The following JOSD1 variants were observed in gnomAD, a reference collection of about 807,000 sequenced individuals.
JOSD1 encodes the protein josephin-1.
A neutral mutation model predicts 24.3 loss-of-function variants in JOSD1; 11 were observed. That is an observed-to-expected ratio of 0.45 (90% CI 0.29 to 0.75). The LOEUF is 0.75. Ranked by LOEUF, JOSD1 falls within the 30% of genes least tolerant of loss-of-function variation. The pLI, the probability that JOSD1 is intolerant of heterozygous loss-of-function variation, is 0.11. For synonymous variants in JOSD1, 106 were observed against 93.8 expected (o/e 1.13, Z -0.75); for missense variants, 184 against 253.5 (o/e 0.73, Z 1.86).
chr22:38,696,061 G>T (rs375613077), intron 2 of JOSD1, among the ~76,000 whole-genome samples: 4 of 152,012 alleles, frequency 2.6e-5, no homozygotes, highest in Admixed American at 6.6e-5. Flanking sequence ...CGTCTCGGGT[G>T]GGGGGAAAAA....
intron 2 of JOSD1, 142 bp downstream of exon 2, chr22:38,699,661 T>C (rs2092559332): frequency 1.3e-6 from 1 of 763,326 alleles, no homozygotes; most frequent in African/African-American, 1.7e-5. Context: ...TGATTATCTT[T>C]TCATGTCTTG....
Position 38,699,961 on chromosome 22 carries a change from G to C in JOSD1, c.27C>G (p.Asp9Glu). MSCVPWKG[D>E]KAKSESLELP... is the part of the protein sequence containing the mutation. ...GCTCCAATGATTCAGATTTGGCCTTGTCTCCTTTCCATGGCACACAACTCA... is the reference window on the plus strand; with the variant it reads ...GCTCCAATGATTCAGATTTGGCCTTCTCTCCTTTCCATGGCACACAACTCA... Residue 9 changes from aspartate to glutamate, a missense_variant, in exon 2 of 5, where the codon GAC becomes GAG. Transcript: ENST00000683374. The C allele has an allele frequency of 6.2e-7, 1 of 1,611,036 alleles. No individual in the cohort carries two copies. The highest frequency in any genetic ancestry group is 8.5e-7 in the Non-Finnish European group (1 of 1,178,302).
At chr22:38,701,024 C>T (rs1372229186), upstream of JOSD1, 2 of 964,106 alleles carry the variant, frequency 2.1e-6, no homozygotes, top group South Asian at 4.8e-5. Flanking sequence ...CCTCCCGCGC[C>T]GTCCTCACTC....
chr22:38,688,853 C>T, intron 4 of JOSD1, 82 bp downstream of exon 4: 1 of 1,280,202 alleles, frequency 7.8e-7, no homozygotes, highest in South Asian at 1.4e-5. Context: ...TTTCCTTTGT[C>T]AAATAACCAG....
Position 38,687,841 on chromosome 22 carries a change from G to C in JOSD1, c.*61C>G. The C allele has an allele frequency of 8.6e-7, 1 of 1,165,982 alleles. No individual in the cohort carries two copies. Among genetic ancestry groups the C allele is most frequent in the Non-Finnish European group, 1.3e-6 (1 of 774,060 alleles). The allele number at this position is 1,165,982 out of a possible 1,614,324, so 72.2% of individuals were successfully genotyped here. A position where few individuals can be genotyped will look rare whatever the true frequency, so the allele number is the denominator to read the frequency against. On this transcript the variant is annotated 3_prime_UTR_variant, in exon 5 of 5. Coordinates refer to ENST00000683374, the MANE Select transcript of JOSD1 (RefSeq NM_001360236.2). Reference sequence around the variant, plus strand: ...GTGGCAAGGGCAGACCCACTGTAGAGGCCACAGCACGTCACAGAGGACTGA... The same window carrying C: ...GTGGCAAGGGCAGACCCACTGTAGACGCCACAGCACGTCACAGAGGACTGA...
At chr22:38,701,110 T>C (rs1006372499), upstream of JOSD1, 1 of 418,998 alleles carries the variant, frequency 2.4e-6, no homozygotes, top group Non-Finnish European at 3.2e-6. Flanking sequence ...ACGCCGGGCG[T>C]GTAGGGGCGC....
At position 38,700,906 on chromosome 22, in the gene JOSD1, C is replaced by A. The variant is rs1054848216; in HGVS notation, c.-738G>T. The A allele has an allele frequency of 3.0e-6, 3 of 984,396 alleles. No homozygotes were observed. Among genetic ancestry groups the A allele is most frequent in the South Asian group, 4.7e-5 (1 of 21,292 alleles). The allele number at this position is 984,396 out of a possible 1,614,324, so 61.0% of individuals were successfully genotyped here. ...CTCGCCGCTGGCGGTCCCCTCACCGCAGCCGGCCGCCACCTGGAGTGCGCG... is the reference window on the plus strand; with the variant it reads ...CTCGCCGCTGGCGGTCCCCTCACCGAAGCCGGCCGCCACCTGGAGTGCGCG... On this transcript the variant is annotated 5_prime_UTR_variant, in exon 1 of 5. Coordinates refer to ENST00000683374, the MANE Select transcript of JOSD1 (RefSeq NM_001360236.2).
In JOSD1 at chr22:38,687,564, G is replaced by GT. The variant is rs2092503387; in HGVS notation, c.*337dup. 2.2e-5 allele frequency: 6 copies of GT among 271,638 alleles called. No homozygotes were observed. In the Admixed American group the frequency reaches 3.0e-4, roughly 14 times the overall value. 16.8% of individuals were successfully genotyped at this position (271,638 alleles called of 1,614,324 possible). A position where few individuals can be genotyped will look rare whatever the true frequency, so the allele number is the denominator to read the frequency against. On this transcript the variant is annotated 3_prime_UTR_variant, in exon 5 of 5. Transcript: ENST00000683374. The stretch of plus-strand genomic sequence containing the variant: ...ATCTCTAGGTGAGTCTGGAGCAGCA[G>GT]TGACAACTCAGCAGAACCTGTGTCA...
intron 2 of JOSD1, among the ~76,000 whole-genome samples, chr22:38,696,972 T>G (rs945649148): frequency 2.0e-5 from 3 of 152,256 alleles, no homozygotes; most frequent in Admixed American, 1.3e-4. Context: ...TTAAACAGCA[T>G]AGAATTATAT....
chr22:38,688,291 T>G (rs1330808800), intron 4 of JOSD1, among the ~76,000 whole-genome samples: 2 of 152,208 alleles, frequency 1.3e-5, no homozygotes, highest in Non-Finnish European at 2.9e-5. Context: ...AGACGGAGTT[T>G]CGCTCTTGTC....
chr22:38,697,413 C>G (rs756866221), intron 2 of JOSD1, among the ~76,000 whole-genome samples: 1 of 152,224 alleles, frequency 6.6e-6, no homozygotes, highest in Non-Finnish European at 1.5e-5. Flanking sequence ...GAATGCAGTA[C>G]AATTTGCTAA....
intron 1 of JOSD1, 45 bp from the exon 2 acceptor site, chr22:38,700,663 G>A (rs1025388270): frequency 5.1e-6 from 5 of 981,614 alleles, no homozygotes; most frequent in Non-Finnish European, 4.8e-6. Flanking sequence ...GCGGGCGCGG[G>A]AAGTGAGCGG....
At chr22:38,688,842 A>G (rs2092509414) in intron 4 of JOSD1, 93 bp downstream of exon 4, 1 of 1,200,478 alleles carries the variant, frequency 8.3e-7, no homozygotes, top group Non-Finnish European at 1.2e-6. Flanking sequence ...CAGGAATTTC[A>G]TTTCCTTTGT....
In JOSD1 at chr22:38,700,293, T is replaced by TGCCGC; in HGVS notation, c.-307_-306insGCGGC. 3.5e-6 allele frequency: 1 copy of TGCCGC among 282,428 alleles called. No homozygotes were observed. Among genetic ancestry groups the TGCCGC allele is most frequent in the Non-Finnish European group, 4.8e-6 (1 of 209,516 alleles). The allele number at this position is 282,428 out of a possible 1,614,324, so 17.5% of individuals were successfully genotyped here. A position where few individuals can be genotyped will look rare whatever the true frequency, so the allele number is the denominator to read the frequency against. On this transcript the variant is annotated 5_prime_UTR_variant, in exon 2 of 5. Coordinates refer to ENST00000683374, the MANE Select transcript of JOSD1 (RefSeq NM_001360236.2). ...TTGTTTCCGTTTCCCCACCCTTCCC[T>TGCCGC]CCCACCCCCCTCCAAAATCCCCACG... is the stretch of plus-strand genomic sequence containing the variant.
Position 38,700,879 on chromosome 22 carries a change from T to G in JOSD1, c.-711A>C. ...CCGCAGACCCCAGGGCCGCCGGGAC[T>G]GCTCGCCGCTGGCGGTCCCCTCACC... On this transcript the variant is annotated 5_prime_UTR_variant, in exon 1 of 5. Transcript: ENST00000683374. The G allele has an allele frequency of 1.0e-6, 1 of 984,142 alleles. No individual in the cohort carries two copies. Among genetic ancestry groups the G allele is most frequent in the Non-Finnish European group, 1.2e-6 (1 of 829,420 alleles). The allele number at this position is 984,142 out of a possible 1,614,324, so 61.0% of individuals were successfully genotyped here. A position where few individuals can be genotyped will look rare whatever the true frequency, so the allele number is the denominator to read the frequency against.
chr22:38,694,115 A>AG (rs1417522466), intron 2 of JOSD1, among the ~76,000 whole-genome samples: 3 of 152,360 alleles, frequency 2.0e-5, no homozygotes, highest in African/African-American at 7.2e-5. Flanking sequence ...CTCATGCTAG[A>AG]GGAATGGTCA....
chr22:38,700,092 A>G lies in JOSD1; in HGVS notation c.-105T>C, dbSNP rs2092562059. 1 of 1,476,370 alleles carries G rather than the reference A, an allele frequency of 6.8e-7. No individual in the cohort carries two copies. The highest frequency in any genetic ancestry group is 9.0e-7 in the Non-Finnish European group (1 of 1,116,068). The allele number at this position is 1,476,370 out of a possible 1,614,324, so 91.5% of individuals were successfully genotyped here. On this transcript the variant is annotated 5_prime_UTR_variant, in exon 2 of 5. An upstream open reading frame in the 5' UTR loses its in-frame stop. Transcript: ENST00000683374. The stretch of plus-strand genomic sequence containing the variant: ...TTTCCGGATTCCTGAGGTCCACCTT[A>G]TTCTCTGGTGTCCATGATTTATGCT...
chr22:38,692,684 G>A (rs528445563), intron 2 of JOSD1, among the ~76,000 whole-genome samples: 3 of 151,018 alleles, frequency 2.0e-5, no homozygotes, highest in South Asian at 2.1e-4. Flanking sequence ...GGGAGGCTGA[G>A]GCAGGAGGAT....
At chr22:38,697,018 A>T (rs2092548916) in intron 2 of JOSD1, among the ~76,000 whole-genome samples, 1 of 152,198 alleles carries the variant, frequency 6.6e-6, no homozygotes, top group Admixed American at 6.5e-5. Flanking sequence ...TTCACTTTTT[A>T]ATTGCTCTGA....
Sources: gnomAD v4.1 joint callset for allele counts (sites outside exome capture counted in the v4.1 genomes callset) on GRCh38, gnomAD v4.1.1 for gene constraint, MANE v1.5 for transcripts, NCBI Gene and HGNC (gene_info 2026-07-23, HGNC 2026-07-21) for gene names.